ASXL3: variants seen among roughly 807,000 people sequenced by gnomAD.
The protein encoded by ASXL3 is putative Polycomb group protein ASXL3.
A neutral mutation model predicts 170.6 loss-of-function variants in ASXL3; 34 were observed. The observed-to-expected ratio is 0.20, with a 90% CI of 0.15 to 0.27. The LOEUF (loss-of-function observed/expected upper bound fraction) is 0.27. Among genes scored for constraint, ASXL3 ranks in the 10% least tolerant of loss-of-function variants. ASXL3 has a pLI of 1.00. For missense variants in ASXL3, 2,592 were observed against 2,695.3 expected, an observed-to-expected ratio of 0.96 and a Z score of 0.85; for synonymous variants, 1,002 against 989.1, an observed-to-expected ratio of 1.01 and a Z score of -0.24.
At position 33,740,451 on chromosome 18, in the gene ASXL3, A is replaced by G. The variant is rs1418026932; in HGVS notation, c.3039+8A>G. On this transcript the variant is annotated splice_region_variant and intron_variant, in intron 11 of 11. Transcript: ENST00000269197. ...AGGGTTCCCCCTCTCAAGGTATGGT[A>G]TTAAATAAACAAAAGGCAATTCCGT... is the stretch of plus-strand genomic sequence containing the variant. 56 of 1,527,428 alleles carry G rather than the reference A, an allele frequency of 3.7e-5. No homozygotes were observed. The highest frequency in any genetic ancestry group is 4.9e-5 in the Non-Finnish European group (56 of 1,142,244). The allele number at this position is 1,527,428 out of a possible 1,614,324, so 94.6% of individuals were successfully genotyped here. A position where few individuals can be genotyped will look rare whatever the true frequency, so the allele number is the denominator to read the frequency against.
At chr18:33,615,713 C>G (rs1032132577) in intron 2 of ASXL3, among the ~76,000 whole-genome samples, 1 of 152,054 alleles carries the variant, frequency 6.6e-6, no homozygotes, top group African/African-American at 2.4e-5. Context: ...AAGCTACAGT[C>G]TTTTGTATGT....
chr18:33,699,372 A>G (rs929439442), intron 8 of ASXL3, among the ~76,000 whole-genome samples: 1 of 152,132 alleles, frequency 6.6e-6, no homozygotes, highest in Non-Finnish European at 1.5e-5. Flanking sequence ...TAATGAAATT[A>G]TTAGTTGAAG....
intron 8 of ASXL3, among the ~76,000 whole-genome samples, chr18:33,687,625 A>G (rs979304676): frequency 1.3e-5 from 2 of 152,098 alleles, no homozygotes; most frequent in Non-Finnish European, 2.9e-5. Flanking sequence ...TGAGTTTCGC[A>G]TTTATCTTGA....
In ASXL3 at chr18:33,744,373, G is replaced by C. The variant is rs757926700; in HGVS notation, c.4525G>C (p.Ala1509Pro). 6.2e-7 allele frequency: 1 copy of C among 1,613,786 alleles called. No individual in the cohort carries two copies. Among genetic ancestry groups the C allele is most frequent in the Non-Finnish European group, 8.5e-7 (1 of 1,179,852 alleles). Residue 1509 changes from alanine (A) to proline (P), a missense_variant, in exon 12 of 12, where the codon GCA (alanine) becomes CCA (proline). Transcript: ENST00000269197. ...DLQGRPVRTE[A>P]SVQPVACPQV... is the part of the protein sequence containing the mutation. The stretch of plus-strand genomic sequence containing the variant: ...GCAGGGCAGACCAGTGAGGACAGAG[G>C]CATCCGTACAGCCCGTGGCGTGTCC...
chr18:33,662,530 C>G (rs528496055), intron 5 of ASXL3, among the ~76,000 whole-genome samples: 1 of 152,254 alleles, frequency 6.6e-6, no homozygotes, highest in African/African-American at 2.4e-5. Flanking sequence ...TTCTGTCATA[C>G]TGGCAAATGC....
intron 1 of ASXL3, among the ~76,000 whole-genome samples, chr18:33,596,215 T>G (rs1019203305): frequency 6.6e-6 from 1 of 152,170 alleles, no homozygotes; most frequent in African/African-American, 2.4e-5. Flanking sequence ...AAAGAAGACA[T>G]ATAGCTTAGT....
intron 7 of ASXL3, among the ~76,000 whole-genome samples, chr18:33,682,124 A>G (rs1003021935): frequency 2.0e-5 from 3 of 152,248 alleles, no homozygotes; most frequent in Admixed American, 6.5e-5. Flanking sequence ...AGTAAATACT[A>G]TAGGCTTTAC....
chr18:33,725,693 C>T (rs1276698931), intron 8 of ASXL3, among the ~76,000 whole-genome samples: 1 of 152,160 alleles, frequency 6.6e-6, no homozygotes, highest in Non-Finnish European at 1.5e-5. Flanking sequence ...GATATCCTTA[C>T]ATCAACATAT....
chr18:33,618,725 G>A (rs993746695), intron 2 of ASXL3, among the ~76,000 whole-genome samples: 1 of 151,972 alleles, frequency 6.6e-6, no homozygotes, highest in African/African-American at 2.4e-5. Flanking sequence ...ATTTAATGAG[G>A]TCTTTCAGCC....
chr18:33,676,965 C>T (rs1365893621), intron 7 of ASXL3, among the ~76,000 whole-genome samples: 1 of 152,152 alleles, frequency 6.6e-6, no homozygotes, highest in East Asian at 1.9e-4. Context: ...TTACAATTTT[C>T]TCTAACTAAA....
intron 10 of ASXL3, among the ~76,000 whole-genome samples, chr18:33,736,436 T>C (rs1436373920): frequency 6.6e-6 from 1 of 152,132 alleles, no homozygotes; most frequent in African/African-American, 2.4e-5. Context: ...ACATGTTGCA[T>C]GGCAGATACA....
chr18:33,603,911 G>C (rs990943154), intron 1 of ASXL3, among the ~76,000 whole-genome samples: 14 of 152,032 alleles, frequency 9.2e-5, no homozygotes, highest in African/African-American at 3.4e-4. Context: ...GATTTGTGAA[G>C]AGACAGTGAT....
intron 8 of ASXL3, among the ~76,000 whole-genome samples, chr18:33,719,743 A>G (rs1449117989): frequency 6.6e-6 from 1 of 152,020 alleles, no homozygotes; most frequent in Non-Finnish European, 1.5e-5. Flanking sequence ...AAATCTAGCT[A>G]GTCCCTTCCA....
chr18:33,698,821 T>G (rs1334270693), intron 8 of ASXL3, among the ~76,000 whole-genome samples: 1 of 152,114 alleles, frequency 6.6e-6, no homozygotes, highest in Non-Finnish European at 1.5e-5. Flanking sequence ...AGGAACACTG[T>G]CTCTGGGGAA....
chr18:33,740,784 A>G (rs1282212306), intron 11 of ASXL3, among the ~76,000 whole-genome samples: 3 of 152,184 alleles, frequency 2.0e-5, no homozygotes, highest in African/African-American at 7.2e-5. Flanking sequence ...AAGATAATTT[A>G]GTTTTCTATA....
At chr18:33,699,529 A>G (rs2066833778) in intron 8 of ASXL3, among the ~76,000 whole-genome samples, 1 of 152,132 alleles carries the variant, frequency 6.6e-6, no homozygotes, top group South Asian at 2.1e-4. Flanking sequence ...AGAGTTTACC[A>G]TGCATTTCAC....
At chr18:33,722,931 C>G (rs1222428695) in intron 8 of ASXL3, among the ~76,000 whole-genome samples, 1 of 152,124 alleles carries the variant, frequency 6.6e-6, no homozygotes, top group East Asian at 1.9e-4. Context: ...TATGCTAAAT[C>G]TATTCTGCCT....
chr18:33,626,761 A>G (rs2065610119), intron 2 of ASXL3: 1 of 152,126 alleles, frequency 6.6e-6, no homozygotes, highest in South Asian at 2.1e-4. Context: ...AGAAGGCAAT[A>G]TATATATAGG....
At chr18:33,731,106 T>A (rs1443249697) in intron 8 of ASXL3, among the ~76,000 whole-genome samples, 1 of 152,202 alleles carries the variant, frequency 6.6e-6, no homozygotes, top group Non-Finnish European at 1.5e-5. Flanking sequence ...TCCTGAATGA[T>A]GATTGAACTG....
Sources: allele counts gnomAD v4.1 joint callset (sites outside exome capture counted in the v4.1 genomes callset), GRCh38; gene constraint gnomAD v4.1.1; transcripts MANE v1.5; gene names NCBI Gene and HGNC (gene_info 2026-07-23, HGNC 2026-07-21).